Variants in SLC12A5 observed in about 807,000 individuals in gnomAD.
SLC12A5 encodes solute carrier family 12 member 5, also known as K-Cl cotransporter 2.
Under a neutral mutation model 124.0 loss-of-function variants are expected in SLC12A5, and 18 were observed. That is an observed-to-expected ratio of 0.15 (90% CI 0.10 to 0.22). SLC12A5 has a LOEUF of 0.22. Among genes scored for constraint, SLC12A5 ranks in the 10% least tolerant of loss-of-function variants. SLC12A5 has a pLI of 1.00. For missense variants in SLC12A5, 867 were observed against 1,478.7 expected (o/e 0.59, Z 6.78); for synonymous variants, 589 against 568.0 (o/e 1.04, Z -0.53).
At position 46,045,429 on chromosome 20, in the gene SLC12A5, C is replaced by A. The variant is rs1040458181; in HGVS notation, c.1569+289C>A. Among the ~76,000 whole-genome samples the A allele has an allele frequency of 6.6e-6, 1 of 152,306 alleles. No individual in the cohort carries two copies. Among genetic ancestry groups the A allele is most frequent in the Admixed American group, 6.5e-5 (1 of 15,308 alleles). On this transcript the variant is annotated intron_variant, in intron 12 of 25. Transcript: ENST00000243964. The surrounding 1 kb of genome is among the most constrained non-coding windows in gnomAD (Gnocchi z 4.9). ...CTTGGGATTTGGCCCATGGTCAGTG[C>A]ATCCCTTGGAGCACTGTCTGCTCTT...
chr20:46,022,990 G>A, exon 2 of SLC12A5: 1 of 389,672 alleles, frequency 2.6e-6, no homozygotes, highest in Non-Finnish European at 4.4e-6. Context: ...GGAGGAGGAG[G>A]AAGAGGAGGA....
At chr20:46,027,273 T>C (rs2084407651), upstream of SLC12A5, among the ~76,000 whole-genome samples, 1 of 152,160 alleles carries the variant, frequency 6.6e-6, no homozygotes, top group Non-Finnish European at 1.5e-5. Context: ...AATAGCTAAC[T>C]CTCCACCCTG....
chr20:46,056,640 CA>C lies in SLC12A5; in HGVS notation c.3110+77del. Reference sequence around the variant, plus strand: ...TGCTCCCCATGGCAGAGCAAGAGAGCAGAAGGCATCCTGGTCTGTCAGCCTG... The same window carrying C: ...TGCTCCCCATGGCAGAGCAAGAGAGCGAAGGCATCCTGGTCTGTCAGCCTG... On this transcript the variant is annotated intron_variant, in intron 23 of 25. Coordinates refer to ENST00000243964, the MANE Select transcript of SLC12A5 (RefSeq NM_020708.5). The surrounding 1 kb of genome is among the most constrained non-coding windows in gnomAD (Gnocchi z 4.3). The C allele has an allele frequency of 6.8e-7, 1 of 1,464,402 alleles. No homozygotes were observed. Among genetic ancestry groups the C allele is most frequent in the East Asian group, 2.3e-5 (1 of 43,084 alleles). 90.7% of individuals were successfully genotyped at this position (1,464,402 alleles called of 1,614,324 possible).
intron 1 of SLC12A5, among the ~76,000 whole-genome samples, chr20:46,031,217 C>T (rs2084446796): frequency 6.6e-6 from 1 of 152,192 alleles, no homozygotes; most frequent in South Asian, 2.1e-4. Context: ...GTGTGTGAGG[C>T]AAGAGTTGAA....
chr20:46,052,238 A>G (rs892430627), intron 18 of SLC12A5, among the ~76,000 whole-genome samples: 8 of 152,232 alleles, frequency 5.3e-5, no homozygotes, highest in African/African-American at 1.9e-4. Context: ...CTGAGATCAG[A>G]TTTCTTGGTA....
rs1840108074 is a variant in SLC12A5, at chr20:46,044,070, A to G, written c.1394+137A>G. On this transcript the variant is annotated intron_variant, in intron 11 of 25. Coordinates refer to ENST00000243964, the MANE Select transcript of SLC12A5 (RefSeq NM_020708.5). ...AGGGAGGCCACGGGGATTGCTTGCA[A>G]AGTCATCTTCTTATATTTCATCTTC... 18 of 701,064 alleles carry G rather than the reference A, an allele frequency of 2.6e-5. No homozygotes were observed. In the South Asian group the frequency reaches 3.8e-4, roughly 15 times the overall value. 43.4% of individuals were successfully genotyped at this position (701,064 alleles called of 1,614,324 possible).
At chr20:46,023,798 C>G (rs1180880518), downstream of SLC12A5, among the ~76,000 whole-genome samples, 1 of 152,178 alleles carries the variant, frequency 6.6e-6, no homozygotes, top group Non-Finnish European at 1.5e-5. Flanking sequence ...GGGTATCCTC[C>G]ATTGGAACAT....
At chr20:46,054,848 C>T (rs773387988) in intron 20 of SLC12A5, 68 bp from the exon 21 acceptor site, 1 of 1,181,592 alleles carries the variant, frequency 8.5e-7, no homozygotes, top group Non-Finnish European at 1.3e-6. Context: ...TTCACCTGGG[C>T]TCAGACCTCA....
downstream of SLC12A5, among the ~76,000 whole-genome samples, chr20:46,024,169 G>C (rs1413910822): frequency 6.6e-6 from 1 of 150,442 alleles, no homozygotes; most frequent in Non-Finnish European, 1.5e-5. Flanking sequence ...GTGTGTGTGT[G>C]TCTTGTGGGA....
At position 46,041,309 on chromosome 20, in the gene SLC12A5, T is replaced by C. The variant is rs773762737; in HGVS notation, c.855-20T>C. On this transcript the variant is annotated intron_variant, in intron 7 of 25. Transcript: ENST00000243964. ...AAGGTTATGTGGCTCCCCACCTTCC[T>C]CCCTTGTTTCTCTCCCTAGGATCTG... The C allele has an allele frequency of 6.8e-6, 11 of 1,612,180 alleles. No individual in the cohort carries two copies. In the Middle Eastern group the frequency reaches 6.9e-4, roughly 102 times the overall value.
rs1312148965 is a variant in SLC12A5, at chr20:46,056,852, C to G, written c.3111-45C>G. 1 of 1,599,548 alleles carries G rather than the reference C, an allele frequency of 6.3e-7. No homozygotes were observed. Among genetic ancestry groups the G allele is most frequent in the Admixed American group, 1.7e-5 (1 of 60,006 alleles). On this transcript the variant is annotated intron_variant, in intron 23 of 25. Coordinates refer to ENST00000243964, the MANE Select transcript of SLC12A5 (RefSeq NM_020708.5). The surrounding 1 kb of genome is among the most constrained non-coding windows in gnomAD (Gnocchi z 4.3). The stretch of plus-strand genomic sequence containing the variant: ...CCAGTGTCTTCCTCTTTTTCTGACT[C>G]TGCTCTTTTTCTTTCTCTCTTTGCA...
rs1568869595 is a variant in SLC12A5 at position 46,056,857 on chromosome 20, CT to C, written c.3111-35del. 6.2e-7 allele frequency: 1 copy of C among 1,607,320 alleles called. No individual in the cohort carries two copies. Reference sequence around the variant, plus strand: ...GTCTTCCTCTTTTTCTGACTCTGCTCTTTTTCTTTCTCTCTTTGCATCTCTT... The same window carrying C: ...GTCTTCCTCTTTTTCTGACTCTGCTCTTTTCTTTCTCTCTTTGCATCTCTT... On this transcript the variant is annotated intron_variant, in intron 23 of 25. Transcript: ENST00000243964. This position sits in a 1 kb window ranked among gnomAD's most constrained non-coding sequence, Gnocchi z 4.3.
Position 46,045,232 on chromosome 20 carries a change from T to G in SLC12A5, c.1569+92T>G. 1 of 1,405,394 alleles carries G rather than the reference T, an allele frequency of 7.1e-7. No homozygotes were observed. 87.1% of individuals were successfully genotyped at this position (1,405,394 alleles called of 1,614,324 possible). ...CAGTGACCCAGGGCCATAACCAGCCTTAGACTACCTCCTGGGCCACTTCTG... is the reference window on the plus strand; with the variant it reads ...CAGTGACCCAGGGCCATAACCAGCCGTAGACTACCTCCTGGGCCACTTCTG... On this transcript the variant is annotated intron_variant, in intron 12 of 25. Coordinates refer to ENST00000243964, the MANE Select transcript of SLC12A5 (RefSeq NM_020708.5). The surrounding 1 kb of genome is among the most constrained non-coding windows in gnomAD (Gnocchi z 4.9).
At position 46,056,549 on chromosome 20, in the gene SLC12A5, T is replaced by C. The variant is rs779136827; in HGVS notation, c.3095T>C (p.Phe1032Ser). The change falls in exon 23 of 26, where the codon TTC (phenylalanine) becomes TCC (serine). Residue 1032 changes from phenylalanine to serine, a missense_variant. Phe to Ser is a radical substitution (Grantham distance 155, BLOSUM62 -2). This residue lies in a region of SLC12A5 where 180 missense variants were observed against 243.6 expected (regional missense o/e 0.74). Transcript: ENST00000243964. The surrounding 1 kb of genome is among the most constrained non-coding windows in gnomAD (Gnocchi z 4.3). Reference sequence around the variant, plus strand: ...GTCTCCTCTGAGGGCATCAAGGACTTCTTCAGCATGAAGCCGTACGGGCCT... The same window carrying C: ...GTCTCCTCTGAGGGCATCAAGGACTCCTTCAGCATGAAGCCGTACGGGCCT... ...SPVSSEGIKDFFSMKPEWENL... is the reference protein window; with the variant it reads ...SPVSSEGIKDSFSMKPEWENL... The C allele has an allele frequency of 6.2e-7, 1 of 1,613,986 alleles. No individual in the cohort carries two copies. Among genetic ancestry groups the C allele is most frequent in the Non-Finnish European group, 8.5e-7 (1 of 1,179,922 alleles).
At position 46,053,467 on chromosome 20, in the gene SLC12A5, ATG is replaced by A. The variant is rs746800548; in HGVS notation, c.2548-106_2548-105del. ...GACAGAGGATTTGGGGTCTGCATGT[ATG>A]TGTGAGGAGTGGGTGGGAAGAGGGG... On this transcript the variant is annotated intron_variant, in intron 19 of 25. Coordinates refer to ENST00000243964, the MANE Select transcript of SLC12A5 (RefSeq NM_020708.5). This position sits in a 1 kb window ranked among gnomAD's most constrained non-coding sequence, Gnocchi z 4.7. The A allele has an allele frequency of 2.8e-6, 4 of 1,431,198 alleles. No homozygotes were observed. The highest frequency in any genetic ancestry group is 1.8e-5 in the Admixed American group (1 of 56,442). The allele number at this position is 1,431,198 out of a possible 1,614,324, so 88.7% of individuals were successfully genotyped here.
At chr20:46,024,056 C>G (rs548285818), downstream of SLC12A5, among the ~76,000 whole-genome samples, 1 of 152,076 alleles carries the variant, frequency 6.6e-6, no homozygotes, top group Non-Finnish European at 1.5e-5. Flanking sequence ...CACACTACTT[C>G]GCTGGGGTCG....
At chr20:46,029,913 T>C (rs868699201) in intron 1 of SLC12A5, among the ~76,000 whole-genome samples, 2,068 of 42,998 alleles carry the variant, frequency 0.048, 28 homozygotes, top group African/African-American at 0.087. Context: ...TATGTGTGTG[T>C]GTGCGTGTGT....
At chr20:46,033,990 C>G (rs952645777) in intron 1 of SLC12A5, among the ~76,000 whole-genome samples, 1 of 152,114 alleles carries the variant, frequency 6.6e-6, no homozygotes, top group African/African-American at 2.4e-5. Flanking sequence ...CTCCCCATTG[C>G]CCTCTGGATG....
At position 46,035,055 on chromosome 20, in the gene SLC12A5, G is replaced by T. The variant is rs2145481743; in HGVS notation, c.147+13G>T. 6.2e-7 allele frequency: 1 copy of T among 1,612,740 alleles called. No individual in the cohort carries two copies. Among genetic ancestry groups the T allele is most frequent in the South Asian group, 1.1e-5 (1 of 91,024 alleles). On this transcript the variant is annotated intron_variant, in intron 2 of 25. Transcript: ENST00000243964. ...GGCCTTGTTTGAGGTGGGCTGCTAG[G>T]GCTGTTGGGCCCCCACCTACAATTC...
Sources: allele counts gnomAD v4.1 joint callset (sites outside exome capture counted in the v4.1 genomes callset), GRCh38; gene constraint gnomAD v4.1.1; regional missense constraint gnomAD v4.1.1; non-coding constraint Gnocchi (gnomAD v3.1); transcripts MANE v1.5; gene names NCBI Gene and HGNC (gene_info 2026-07-23, HGNC 2026-07-21).